The following USP9Y variants were observed in gnomAD, a reference collection of about 807,000 sequenced individuals.
USP9Y encodes ubiquitin carboxyl-terminal hydrolase 9Y.
A neutral mutation model predicts 53.1 loss-of-function variants in USP9Y; 41 were observed. The observed-to-expected ratio is 0.77, with a 90% CI of 0.60 to 1.00. The LOEUF is 1.00. Ranked by LOEUF, USP9Y falls within the 50% of genes least tolerant of loss-of-function variation. The pLI is 0.00. For synonymous variants in USP9Y, 220 were observed against 173.7 expected, an observed-to-expected ratio of 1.27 and a Z score of -2.09; for missense variants, 567 against 535.8, an observed-to-expected ratio of 1.06 and a Z score of -0.58.
intron 31 of USP9Y, among the ~76,000 whole-genome samples, chrY:12,814,946 A>G: frequency 1.2e-4 from 4 of 33,822 alleles, no homozygotes; most frequent in African/African-American, 4.6e-4. Context: ...TTTGAAATAC[A>G]CCATCCCATT....
chrY:12,794,336 G>A lies in USP9Y; in HGVS notation c.3983+1135G>A, dbSNP rs776255502. On this transcript the variant is annotated intron_variant, in intron 27 of 45. Coordinates refer to ENST00000338981, the MANE Select transcript of USP9Y (RefSeq NM_004654.4). ...CAGTTTTTATAGCATTATTGAATTT[G>A]ATTATTTTTGTAGTGAGTTTCTGTA... Among the ~76,000 whole-genome samples the A allele has an allele frequency of 3.0e-4, 10 of 33,773 alleles. No homozygotes were observed. In the South Asian group the frequency reaches 6.5e-3, roughly 22 times the overall value. The allele number at this position is 33,773 out of a possible 37,273, so 90.6% of individuals were successfully genotyped here.
chrY:12,736,127 T>C lies in USP9Y; in HGVS notation c.903T>C (p.Asn301=), dbSNP rs1569387746. 1 of 397,353 alleles carries C rather than the reference T, an allele frequency of 2.5e-6. No homozygotes were observed. The highest frequency in any genetic ancestry group is 3.5e-6 in the Non-Finnish European group (1 of 282,549). Residue 301 remains asparagine, a synonymous_variant, in exon 9 of 46, where the codon AAT becomes AAC. Coordinates refer to ENST00000338981, the MANE Select transcript of USP9Y (RefSeq NM_004654.4). ...TDEELKKEAK[N]EAKNDALSMI... The stretch of plus-strand genomic sequence containing the variant: ...AAGAACTGAAAAAGGAGGCAAAGAA[T>C]GAAGCCAAAAATGATGCCCTTTCAA...
At chrY:12,789,098 G>A (rs758279655) in intron 24 of USP9Y, among the ~76,000 whole-genome samples, 2 of 33,038 alleles carry the variant, frequency 6.1e-5, no homozygotes, top group African/African-American at 1.2e-4. Flanking sequence ...GTTTTTTTGT[G>A]TGTGAAATTT....
At chrY:12,799,984 A>T in intron 27 of USP9Y, among the ~76,000 whole-genome samples, 1 of 33,346 alleles carries the variant, frequency 3.0e-5, no homozygotes, top group Non-Finnish European at 7.4e-5. Flanking sequence ...TTCTGGCTCA[A>T]GCTGAGGTTT....
intron 3 of USP9Y, among the ~76,000 whole-genome samples, chrY:12,711,408 G>A: frequency 3.4e-5 from 1 of 29,560 alleles, no homozygotes; most frequent in Non-Finnish European, 8.1e-5. Flanking sequence ...TTTCATTCCT[G>A]CTGTAGTTTT....
intron 33 of USP9Y, among the ~76,000 whole-genome samples, chrY:12,819,480 T>C: frequency 3.1e-5 from 1 of 32,300 alleles, no homozygotes; most frequent in Non-Finnish European, 7.5e-5. Flanking sequence ...CACTAACTTT[T>C]GTTCTTAGTT....
At chrY:12,703,674 T>C (rs982255829) in intron 1 of USP9Y, among the ~76,000 whole-genome samples, 3 of 33,510 alleles carry the variant, frequency 9.0e-5, no homozygotes, top group African/African-American at 3.5e-4. Context: ...TTCCACAGCA[T>C]GAAAAGGGAC....
At chrY:12,709,285 A>G (rs2053422272) in intron 2 of USP9Y, 103 bp from the exon 3 acceptor site, 1 of 154,126 alleles carries the variant, frequency 6.5e-6, no homozygotes, top group Non-Finnish European at 1.2e-5. Context: ...TTAGGTTATG[A>G]AATGGTCTCT....
chrY:12,703,322 A>G (rs2053417533), intron 1 of USP9Y, among the ~76,000 whole-genome samples: 2 of 33,507 alleles, frequency 6.0e-5, no homozygotes, highest in Admixed American at 2.7e-4. Context: ...GCTGACTTCA[A>G]GAAGGAAGCT....
At chrY:12,714,210 A>G (rs776012090) in intron 3 of USP9Y, among the ~76,000 whole-genome samples, 3 of 29,161 alleles carry the variant, frequency 1.0e-4, no homozygotes, top group East Asian at 1.8e-3. Flanking sequence ...TTTTCAGCCT[A>G]TTTTTCTCTG....
chrY:12,739,586 ATT>A lies in USP9Y; in HGVS notation c.1383_1384del (p.Pro463TrpfsTer4), dbSNP rs2053455500. On this transcript the variant is annotated frameshift_variant, in exon 12 of 46. Coordinates refer to ENST00000338981, the MANE Select transcript of USP9Y (RefSeq NM_004654.4). LOFTEE classifies it high-confidence loss of function. ...GATCTGCTAGCAAAGTTGGCTTGGG[ATT>A]TTTCTCCTGGACAACTTGATCATCT... is the stretch of plus-strand genomic sequence containing the variant. The A allele has an allele frequency of 2.5e-6, 1 of 394,267 alleles. No homozygotes were observed. The highest frequency in any genetic ancestry group is 3.6e-6 in the Non-Finnish European group (1 of 281,470).
intron 15 of USP9Y, among the ~76,000 whole-genome samples, chrY:12,761,880 A>G: frequency 3.0e-5 from 1 of 33,840 alleles, no homozygotes; most frequent in South Asian, 6.5e-4. Flanking sequence ...GCTTCCTTTT[A>G]AAGTCACATA....
rs758032127 is a variant in USP9Y at position 12,736,045 on chromosome Y, A to G, written c.821A>G (p.Lys274Arg). The G allele has an allele frequency of 5.1e-6, 2 of 395,821 alleles. No individual in the cohort carries two copies. The highest frequency in any genetic ancestry group is 1.3e-4 in the African/African-American group (2 of 15,776). Residue 274 changes from lysine (K) to arginine (R), a missense_variant, in exon 9 of 46, where the codon AAG (lysine) becomes AGG (arginine). Transcript: ENST00000338981. Reference sequence around the variant, plus strand: ...TTTCTCAGTCAACATACACTGAAAAAGTACTTCATTCCAGTTATAGAAATA... The same window carrying G: ...TTTCTCAGTCAACATACACTGAAAAGGTACTTCATTCCAGTTATAGAAATA... ...YEFLSQHTLKKYFIPVIEIVP... is the reference protein window; with the variant it reads ...YEFLSQHTLKRYFIPVIEIVP...
chrY:12,797,744 T>C (rs2053514968), intron 27 of USP9Y, among the ~76,000 whole-genome samples: 1 of 33,661 alleles, frequency 3.0e-5, no homozygotes, highest in African/African-American at 1.2e-4. Flanking sequence ...AAGATATGGC[T>C]AAGAAACATG....
chrY:12,771,201 A>G, intron 16 of USP9Y, 46 bp downstream of exon 16: 1 of 256,123 alleles, frequency 3.9e-6, no homozygotes, highest in Admixed American at 8.1e-5. Flanking sequence ...CACTGCAGTG[A>G]TAAGGAATGC....
Position 12,736,016 on chromosome Y carries a change from T to C in USP9Y, c.792T>C (p.Tyr264=). 2.5e-6 allele frequency: 1 copy of C among 397,901 alleles called. No individual in the cohort carries two copies. Among genetic ancestry groups the C allele is most frequent in the Non-Finnish European group, 3.5e-6 (1 of 283,094 alleles). Residue 264 remains tyrosine (Y), a synonymous_variant, in exon 9 of 46, where the codon TAT becomes TAC. Transcript: ENST00000338981. The part of the protein sequence containing the change: ...AALIKPFGQC[Y]EFLSQHTLKK... ...ATTTCAGACCATTTGGACAATGCTA[T>C]GAGTTTCTCAGTCAACATACACTGA...
intron 33 of USP9Y, among the ~76,000 whole-genome samples, chrY:12,831,866 G>A (rs746596858): frequency 8.6e-4 from 29 of 33,795 alleles, no homozygotes; most frequent in African/African-American, 2.5e-3. Context: ...GTGTACACTC[G>A]GTAGTTAGTG....
chrY:12,817,330 T>G, intron 32 of USP9Y, among the ~76,000 whole-genome samples: 1 of 34,338 alleles, frequency 2.9e-5, no homozygotes, highest in Admixed American at 2.6e-4. Context: ...TATATGTTGA[T>G]AGGAACTAAA....
chrY:12,772,525 G>C, intron 16 of USP9Y, among the ~76,000 whole-genome samples: 1 of 31,421 alleles, frequency 3.2e-5, no homozygotes, highest in Non-Finnish European at 7.7e-5. Flanking sequence ...AGCACTTTGG[G>C]AGGCCGAGGT....
Sources: allele counts gnomAD v4.1 joint callset (sites outside exome capture counted in the v4.1 genomes callset), GRCh38; gene constraint gnomAD v4.1.1; transcripts MANE v1.5; gene names NCBI Gene and HGNC (gene_info 2026-07-23, HGNC 2026-07-21).